Variants in GNPAT observed in about 807,000 individuals in gnomAD.
GNPAT encodes glyceronephosphate O-acyltransferase, also known as dihydroxyacetone phosphate acyltransferase.
In GNPAT, 30 loss-of-function variants were observed where a neutral mutation model predicts 78.4. The ratio of observed to expected loss-of-function variants is 0.38; its 90% CI spans 0.29 to 0.52. The LOEUF (loss-of-function observed/expected upper bound fraction) is 0.52. GNPAT is among the 20% of genes least tolerant of loss of function. The pLI, the probability that GNPAT is intolerant of heterozygous loss-of-function variation, is 0.84. For missense variants in GNPAT, 714 were observed against 812.2 expected, an observed-to-expected ratio of 0.88 and a Z score of 1.47; for synonymous variants, 271 against 281.1, an observed-to-expected ratio of 0.96 and a Z score of 0.36.
intron 1 of GNPAT, among the ~76,000 whole-genome samples, chr1:231,244,808 T>C (rs1684705643): frequency 6.6e-6 from 1 of 152,166 alleles, no homozygotes; most frequent in Admixed American, 6.5e-5. Flanking sequence ...AGTGAGACCC[T>C]AGAATGAAAA....
chr1:231,257,425 T>A (rs1024881249), intron 2 of GNPAT, among the ~76,000 whole-genome samples: 1 of 152,246 alleles, frequency 6.6e-6, no homozygotes, highest in African/African-American at 2.4e-5. Flanking sequence ...AAGGTTACCA[T>A]GGATCTCCAA....
At chr1:231,262,599 A>G (rs1685251452) in intron 3 of GNPAT, 124 bp from the exon 4 acceptor site, 2 of 787,412 alleles carry the variant, frequency 2.5e-6, no homozygotes, top group Non-Finnish European at 4.4e-6. Flanking sequence ...TGTATGGCAA[A>G]AAGGCAGAAA....
chr1:231,267,978 A>T, intron 9 of GNPAT, 75 bp downstream of exon 9: 1 of 932,874 alleles, frequency 1.1e-6, no homozygotes, highest in East Asian at 2.4e-5. Flanking sequence ...TGAAAAATCT[A>T]TAGAGGACTT....
intron 1 of GNPAT, among the ~76,000 whole-genome samples, chr1:231,243,519 T>A (rs886434825): frequency 1.3e-5 from 2 of 152,162 alleles, no homozygotes; most frequent in African/African-American, 4.8e-5. Context: ...AGACAAGGTC[T>A]CACCGTGTTG....
chr1:231,253,737 T>C (rs1684964367), intron 2 of GNPAT, among the ~76,000 whole-genome samples: 1 of 152,228 alleles, frequency 6.6e-6, no homozygotes, highest in South Asian at 2.1e-4. Context: ...AAAGTTACTA[T>C]TATTATCTAC....
In GNPAT at chr1:231,247,120, C is replaced by T. The variant is rs937863606; in HGVS notation, c.79-3841C>T. On this transcript the variant is annotated intron_variant, in intron 1 of 15. Coordinates refer to ENST00000366647, the MANE Select transcript of GNPAT (RefSeq NM_014236.4). The stretch of plus-strand genomic sequence containing the variant: ...GGCGGAGCTTGCAGTGAGCTGAGAT[C>T]GTGCCACTGCACTCCAGCCTGGGCA... Among the ~76,000 whole-genome samples the T allele has an allele frequency of 2.6e-5, 4 of 151,436 alleles. No individual in the cohort carries two copies. The South Asian group carries it at 6.3e-4, about 24-fold the overall frequency.
chr1:231,246,236 T>C (rs1247030257), intron 1 of GNPAT, among the ~76,000 whole-genome samples: 4 of 152,160 alleles, frequency 2.6e-5, no homozygotes, highest in Non-Finnish European at 1.5e-5. Flanking sequence ...CCCACAAAAA[T>C]TGACAAATGC....
At chr1:231,274,186 G>T (rs1685647438) in intron 12 of GNPAT, 124 bp downstream of exon 12, 2 of 857,172 alleles carry the variant, frequency 2.3e-6, no homozygotes, top group Admixed American at 3.5e-5. Flanking sequence ...AAGAAGGAGA[G>T]AGAGTGACTA....
Position 231,277,719 on chromosome 1 carries a change from A to G in GNPAT, c.*177A>G. ...GGAAGCAATCAGTTTACTCTTCCCC[A>G]CCACAGTGGTTAAAAGGCGTTTGTA... On this transcript the variant is annotated 3_prime_UTR_variant, in exon 16 of 16. Transcript: ENST00000366647. The G allele has an allele frequency of 3.3e-6, 2 of 608,948 alleles. No individual in the cohort carries two copies. The highest frequency in any genetic ancestry group is 5.9e-6 in the Non-Finnish European group (2 of 337,538). The allele number at this position is 608,948 out of a possible 1,614,324, so 37.7% of individuals were successfully genotyped here. A position where few individuals can be genotyped will look rare whatever the true frequency, so the allele number is the denominator to read the frequency against.
intron 1 of GNPAT, among the ~76,000 whole-genome samples, chr1:231,247,222 G>A (rs1229559226): frequency 6.6e-6 from 1 of 151,762 alleles, no homozygotes; most frequent in African/African-American, 2.4e-5. Context: ...GGAGATTTGA[G>A]CCTTATACTG....
At chr1:231,275,040 C>G in intron 12 of GNPAT, 181 bp from the exon 13 acceptor site, 1 of 592,000 alleles carries the variant, frequency 1.7e-6, no homozygotes, top group Non-Finnish European at 3.0e-6. Flanking sequence ...AATGTAAACT[C>G]AAAGGAGATG....
intron 1 of GNPAT, among the ~76,000 whole-genome samples, chr1:231,246,952 G>A (rs888088124): frequency 1.3e-5 from 2 of 152,108 alleles, no homozygotes; most frequent in Admixed American, 6.5e-5. Flanking sequence ...GGTGGATCAC[G>A]AGGTCAGGAG....
intron 3 of GNPAT, among the ~76,000 whole-genome samples, chr1:231,262,117 T>A (rs1685237434): frequency 6.6e-6 from 1 of 152,230 alleles, no homozygotes; most frequent in Non-Finnish European, 1.5e-5. Context: ...GAAACTCAAA[T>A]TATCCCTCCC....
chr1:231,272,385 A>C lies in GNPAT; in HGVS notation c.1596A>C (p.Thr532=), dbSNP rs201925498. The change falls in exon 11 of 16, where the codon ACA becomes ACC. Residue 532 remains threonine, a synonymous_variant. Transcript: ENST00000366647. ...ADEFIFLPGN[T]LKDFEEGCYL... ...AGTTCATCTTCCTTCCAGGAAACAC[A>C]CTAAAGGTAAAGTGCTTACAACAAA... is the stretch of plus-strand genomic sequence containing the variant. 1 of 1,547,748 alleles carries C rather than the reference A, an allele frequency of 6.5e-7. No individual in the cohort carries two copies. Among genetic ancestry groups the C allele is most frequent in the African/African-American group, 1.4e-5 (1 of 73,714 alleles).
Position 231,265,710 on chromosome 1 carries a change from A to G in GNPAT, c.697-2A>G, listed in dbSNP as rs759286038. The G allele has an allele frequency of 6.4e-6, 10 of 1,566,536 alleles. No homozygotes were observed. Among genetic ancestry groups the G allele is most frequent in the Non-Finnish European group, 8.8e-6 (10 of 1,136,558 alleles). ...TGTGTTTTGTTTGTTTTCTCTTTAA[A>G]GAATGGTTATGCTCCTGTTGAATTT... On this transcript the variant is annotated splice_acceptor_variant, in intron 5 of 15. Coordinates refer to ENST00000366647, the MANE Select transcript of GNPAT (RefSeq NM_014236.4). LOFTEE classifies it high-confidence loss of function.
chr1:231,261,258 T>C (rs1226313319), intron 3 of GNPAT, among the ~76,000 whole-genome samples: 1 of 152,204 alleles, frequency 6.6e-6, no homozygotes, highest in Non-Finnish European at 1.5e-5. Context: ...TCAACTTTCT[T>C]CTGTATCCAC....
At chr1:231,261,007 G>A (rs866061590) in intron 3 of GNPAT, among the ~76,000 whole-genome samples, 2 of 152,128 alleles carry the variant, frequency 1.3e-5, no homozygotes, top group African/African-American at 4.8e-5. Context: ...AAGAATTCCT[G>A]TATATACTTC....
rs1685594843 is a variant in GNPAT at position 231,272,409 on chromosome 1, A to C, written c.1602+18A>C. On this transcript the variant is annotated intron_variant, in intron 11 of 15. Coordinates refer to ENST00000366647, the MANE Select transcript of GNPAT (RefSeq NM_014236.4). ...CACTAAAGGTAAAGTGCTTACAACA[A>C]AGAGCAAGTATGTTTGCAGTGTGAG... 7.7e-7 allele frequency: 1 copy of C among 1,306,290 alleles called. No individual in the cohort carries two copies. Among genetic ancestry groups the C allele is most frequent in the Non-Finnish European group, 1.1e-6 (1 of 900,898 alleles). 80.9% of individuals were successfully genotyped at this position (1,306,290 alleles called of 1,614,324 possible).
chr1:231,249,160 A>T (rs1467739423), intron 1 of GNPAT, among the ~76,000 whole-genome samples: 1 of 152,234 alleles, frequency 6.6e-6, no homozygotes, highest in African/African-American at 2.4e-5. Flanking sequence ...GCAAACTGAT[A>T]CAACTATATA....
Sources: allele counts gnomAD v4.1 joint callset (sites outside exome capture counted in the v4.1 genomes callset), GRCh38; gene constraint gnomAD v4.1.1; transcripts MANE v1.5; gene names NCBI Gene and HGNC (gene_info 2026-07-23, HGNC 2026-07-21).